The following MAGED1 variants were observed in gnomAD, a reference collection of about 807,000 sequenced individuals.
MAGED1 encodes MAGE family member D1.
MAGED1 carries 3 observed loss-of-function variants against 54.1 expected under a neutral mutation model. That is an observed-to-expected ratio of 0.06 (90% CI 0.03 to 0.14). MAGED1 has a LOEUF of 0.14. Among genes scored for constraint, MAGED1 ranks in the 10% least tolerant of loss-of-function variants. The pLI, the probability that MAGED1 is intolerant of heterozygous loss-of-function variation, is 1.00. For synonymous variants in MAGED1, 217 were observed against 227.3 expected, an observed-to-expected ratio of 0.95 and a Z score of 0.41; for missense variants, 485 against 623.4, an observed-to-expected ratio of 0.78 and a Z score of 2.36.
At chrX:51,854,202 G>A (rs1014503130) in intron 1 of MAGED1, among the ~76,000 whole-genome samples, 3 of 112,040 alleles carry the variant, frequency 2.7e-5, no homozygotes, top group Admixed American at 1.9e-4. Flanking sequence ...TGATAAATAA[G>A]TATCCCTTTC....
intron 1 of MAGED1, among the ~76,000 whole-genome samples, chrX:51,808,036 C>T (rs1925093044): frequency 8.9e-6 from 1 of 111,925 alleles, no homozygotes; most frequent in African/African-American, 3.2e-5. Context: ...CATTCATCTC[C>T]TAATATTAGC....
chrX:51,895,349 C>T lies in MAGED1; in HGVS notation c.342C>T (p.Ser114=). Residue 114 remains serine (S), a synonymous_variant, in exon 3 of 13, where the codon TCC becomes TCT. Coordinates refer to ENST00000326587, the MANE Select transcript of MAGED1 (RefSeq NM_006986.4). ...PNTQPKAAFK[S]QNATPKGPNA... ...CGCAGCCCAAGGCAGCCTTTAAGTC[C>T]CAAAATGCTACCCCAAAGGGTCCAA... 1 of 1,209,838 alleles carries T rather than the reference C, an allele frequency of 8.3e-7. No homozygotes were observed. The highest frequency in any genetic ancestry group is 3.0e-5 in the East Asian group (1 of 33,799).
At chrX:51,835,532 T>C (rs1926213830) in intron 1 of MAGED1, among the ~76,000 whole-genome samples, 2 of 111,575 alleles carry the variant, frequency 1.8e-5, no homozygotes, top group Non-Finnish European at 3.8e-5. Context: ...TCTTTGTTCC[T>C]TTGTTACTAA....
At chrX:51,892,621 C>T (rs2147012830), upstream of MAGED1, among the ~76,000 whole-genome samples, 1 of 111,532 alleles carries the variant, frequency 9.0e-6, no homozygotes, top group South Asian at 3.8e-4. Context: ...GTGGGGGCCT[C>T]TGCTTGTGTC....
intron 1 of MAGED1, among the ~76,000 whole-genome samples, chrX:51,827,945 G>C (rs782317396): frequency 2.7e-5 from 3 of 111,234 alleles, no homozygotes; most frequent in Non-Finnish European, 5.7e-5. Context: ...ACTTGAAATC[G>C]GATAACATGA....
intron 1 of MAGED1, among the ~76,000 whole-genome samples, chrX:51,871,298 G>C (rs1927662162): frequency 9.5e-6 from 1 of 105,171 alleles, no homozygotes; most frequent in African/African-American, 3.5e-5. Flanking sequence ...ATTATACTAA[G>C]TTATAGGGTA....
chrX:51,839,481 C>T (rs1468801245), intron 1 of MAGED1, among the ~76,000 whole-genome samples: 2 of 111,908 alleles, frequency 1.8e-5, no homozygotes, highest in Non-Finnish European at 3.8e-5. Context: ...CATACCTGCT[C>T]TTTTGTTCTA....
At chrX:51,846,544 G>T (rs1428348509) in intron 1 of MAGED1, among the ~76,000 whole-genome samples, 2 of 111,631 alleles carry the variant, frequency 1.8e-5, no homozygotes, top group Admixed American at 1.9e-4. Flanking sequence ...GTTCATTCTC[G>T]CACTGGTATA....
At chrX:51,834,973 G>A (rs1028806744) in intron 1 of MAGED1, among the ~76,000 whole-genome samples, 4 of 111,491 alleles carry the variant, frequency 3.6e-5, no homozygotes, top group Admixed American at 1.9e-4. Flanking sequence ...TCTGGTTTTC[G>A]TATCAGGATC....
In MAGED1 at chrX:51,898,117, C is replaced by T. The variant is rs782063313; in HGVS notation, c.1662C>T (p.Thr554=). 1 of 1,207,303 alleles carries T rather than the reference C, an allele frequency of 8.3e-7. No individual in the cohort carries two copies. The highest frequency in any genetic ancestry group is 1.8e-5 in the South Asian group (1 of 56,776). Residue 554 remains threonine (T), a synonymous_variant, in exon 8 of 13, where the codon ACC becomes ACT. Coordinates refer to ENST00000326587, the MANE Select transcript of MAGED1 (RefSeq NM_006986.4). ...PESLAGILGT[T]KDTPKLGLLL... ...TATTCTTTCTATATTCCCTTAGGAC[C>T]AAAGACACACCCAAGCTCGGTCTCC...
rs781820363 is a variant in MAGED1 at position 51,894,362 on chromosome X, C to T, written c.45+13C>T. Reference sequence around the variant, plus strand: ...CCTCGGCTTCCAGGTGAGATCTCCACTCCCCACCCCACCATTTCCCCAGCC... The same window carrying T: ...CCTCGGCTTCCAGGTGAGATCTCCATTCCCCACCCCACCATTTCCCCAGCC... On this transcript the variant is annotated intron_variant, in intron 2 of 12. Transcript: ENST00000326587. 1 of 1,192,820 alleles carries T rather than the reference C, an allele frequency of 8.4e-7. No individual in the cohort carries two copies. The highest frequency in any genetic ancestry group is 1.1e-6 in the Non-Finnish European group (1 of 883,568).
At chrX:51,811,613 G>A (rs1925222686) in intron 1 of MAGED1, among the ~76,000 whole-genome samples, 1 of 111,403 alleles carries the variant, frequency 9.0e-6, no homozygotes, top group African/African-American at 3.3e-5. Context: ...GGATTCTAGA[G>A]GTCACAAAGA....
chrX:51,827,900 C>T (rs1486240681), intron 1 of MAGED1, among the ~76,000 whole-genome samples: 1 of 111,738 alleles, frequency 8.9e-6, no homozygotes, highest in Non-Finnish European at 1.9e-5. Flanking sequence ...TTTGCTAATA[C>T]TATGGCACCT....
intron 1 of MAGED1, among the ~76,000 whole-genome samples, chrX:51,866,121 T>C (rs2146990850): frequency 8.9e-6 from 1 of 112,488 alleles, no homozygotes; most frequent in African/African-American, 3.2e-5. Flanking sequence ...AATTTGTTTT[T>C]AAAGCTTTGA....
intron 1 of MAGED1, among the ~76,000 whole-genome samples, chrX:51,871,603 C>T (rs1160946239): frequency 9.2e-6 from 1 of 108,856 alleles, no homozygotes; most frequent in African/African-American, 3.4e-5. Flanking sequence ...GACATGAACT[C>T]ATCATTTTTT....
At chrX:51,839,888 A>G (rs782698472) in intron 1 of MAGED1, among the ~76,000 whole-genome samples, 1 of 112,443 alleles carries the variant, frequency 8.9e-6, no homozygotes, top group Non-Finnish European at 1.9e-5. Context: ...ATGTCAACAA[A>G]TGGAGTCCTG....
intron 1 of MAGED1, among the ~76,000 whole-genome samples, chrX:51,847,162 A>G (rs1237433074): frequency 8.9e-6 from 1 of 111,829 alleles, no homozygotes; most frequent in Admixed American, 9.5e-5. Flanking sequence ...CTTTATTTCA[A>G]TGTCTTGTTA....
chrX:51,887,503 T>C (rs1928281890), intron 1 of MAGED1, among the ~76,000 whole-genome samples: 1 of 111,508 alleles, frequency 9.0e-6, no homozygotes, highest in African/African-American at 3.3e-5. Context: ...GAAAATAGAA[T>C]AGAACAGAGA....
At chrX:51,835,197 T>C (rs182294379) in intron 1 of MAGED1, among the ~76,000 whole-genome samples, 29 of 111,762 alleles carry the variant, frequency 2.6e-4, no homozygotes, top group Non-Finnish European at 5.3e-4. Context: ...AAGTTGAAAA[T>C]ACTGTAAGTT....
Sources: gnomAD v4.1 joint callset for allele counts (sites outside exome capture counted in the v4.1 genomes callset) on GRCh38, gnomAD v4.1.1 for gene constraint, MANE v1.5 for transcripts, NCBI Gene and HGNC (gene_info 2026-07-23, HGNC 2026-07-21) for gene names.